The following FRMD6 variants were observed in gnomAD, a reference collection of about 807,000 sequenced individuals.
The protein encoded by FRMD6 is FERM domain-containing protein 6.
Under a neutral mutation model 73.2 loss-of-function variants are expected in FRMD6, and 37 were observed. That is an observed-to-expected ratio of 0.51 (90% CI 0.39 to 0.66). The LOEUF is 0.66. FRMD6 is among the 30% of genes least tolerant of loss of function. The pLI is 0.00. For synonymous variants in FRMD6, 273 were observed against 282.2 expected, an observed-to-expected ratio of 0.97 and a Z score of 0.33; for missense variants, 714 against 780.5, an observed-to-expected ratio of 0.91 and a Z score of 1.02.
At chr14:51,457,206 C>T in the FRMD6 span, among the ~76,000 whole-genome samples, 462 of 152,232 alleles carry the variant, frequency 3.0e-3, 4 homozygotes, top group Non-Finnish European at 4.7e-3. Context: ...TTGATTATTA[C>T]ACAATGTAAA....
At chr14:51,697,342 A>G in intron 2 of FRMD6, among the ~76,000 whole-genome samples, 1 of 152,180 alleles carries the variant, frequency 6.6e-6, no homozygotes, top group Non-Finnish European at 1.5e-5. Flanking sequence ...CTTTAAAAAG[A>G]AGGAAATCAT....
chr14:51,467,817 G>A, the FRMD6 span, among the ~76,000 whole-genome samples: 4 of 149,792 alleles, frequency 2.7e-5, no homozygotes, highest in African/African-American at 4.9e-5. Flanking sequence ...CTGGGCGGCC[G>A]GGCAGAGGGG....
intron 1 of FRMD6, among the ~76,000 whole-genome samples, chr14:51,659,391 AG>A (rs1467659432): frequency 1.3e-5 from 2 of 152,224 alleles, no homozygotes; most frequent in African/African-American, 4.8e-5. Flanking sequence ...GTTTTATTGG[AG>A]GTTCCCAAGC....
At chr14:51,475,881 C>A in the FRMD6 span, among the ~76,000 whole-genome samples, 1 of 152,014 alleles carries the variant, frequency 6.6e-6, no homozygotes, top group African/African-American at 2.4e-5. Flanking sequence ...TGTCTACTAA[C>A]GTAATTGTCG....
chr14:51,578,839 G>A (rs1164096802), intron 2 of FRMD6: 1 of 152,256 alleles, frequency 6.6e-6, no homozygotes, highest in East Asian at 1.9e-4. Context: ...TTTGACCAGA[G>A]AAGAGGACCC....
At chr14:51,534,562 C>T (rs1226736748) in intron 1 of FRMD6, among the ~76,000 whole-genome samples, 1 of 152,192 alleles carries the variant, frequency 6.6e-6, no homozygotes, top group Admixed American at 6.5e-5. Flanking sequence ...CTCTTCTTTG[C>T]CCAGACAGCT....
chr14:51,665,664 A>G (rs893613633), intron 1 of FRMD6, among the ~76,000 whole-genome samples: 9 of 152,150 alleles, frequency 5.9e-5, no homozygotes, highest in Admixed American at 5.9e-4. Flanking sequence ...TGGGTTAACT[A>G]TTTGCTAATG....
chr14:51,627,666 A>G (rs1891169521), intron 2 of FRMD6, among the ~76,000 whole-genome samples: 1 of 152,222 alleles, frequency 6.6e-6, no homozygotes, highest in Admixed American at 6.5e-5. Flanking sequence ...GATGCTTGAG[A>G]ACAGAAGCAG....
chr14:51,472,065 C>T, the FRMD6 span, among the ~76,000 whole-genome samples: 1 of 152,140 alleles, frequency 6.6e-6, no homozygotes, highest in Non-Finnish European at 1.5e-5. Flanking sequence ...CTTGAACTTT[C>T]CAGCCTCTAG....
chr14:51,595,215 C>T (rs770330322), intron 2 of FRMD6, among the ~76,000 whole-genome samples: 1 of 152,230 alleles, frequency 6.6e-6, no homozygotes, highest in African/African-American at 2.4e-5. Context: ...AGTCCCCTAA[C>T]TCTGAGTGCC....
intron 1 of FRMD6, among the ~76,000 whole-genome samples, chr14:51,532,270 G>A (rs2140335850): frequency 6.6e-6 from 1 of 151,048 alleles, no homozygotes. Context: ...TCGGGAGGAT[G>A]AGCCAGGAGA....
intron 2 of FRMD6, among the ~76,000 whole-genome samples, chr14:51,692,478 G>GTT (rs1895667210): frequency 1.3e-5 from 2 of 151,406 alleles, no homozygotes; most frequent in African/African-American, 4.8e-5. Flanking sequence ...TGCAATGTGT[G>GTT]TGTGTGTGTG....
At chr14:51,638,281 TAAAAA>T (rs879547597) in intron 2 of FRMD6, among the ~76,000 whole-genome samples, 1 of 149,294 alleles carries the variant, frequency 6.7e-6, no homozygotes, top group Non-Finnish European at 1.5e-5. Context: ...GACCTTGTCT[TAAAAA>T]AAAAAGTTTG....
intron 1 of FRMD6, among the ~76,000 whole-genome samples, chr14:51,563,234 C>T (rs568355050): frequency 3.3e-5 from 5 of 149,500 alleles, no homozygotes; most frequent in Admixed American, 1.4e-4. Flanking sequence ...AAAGAATTAT[C>T]GCTTACAAGT....
chr14:51,431,144 T>C, the FRMD6 span, among the ~76,000 whole-genome samples: 1 of 152,188 alleles, frequency 6.6e-6, no homozygotes, highest in African/African-American at 2.4e-5. Flanking sequence ...TACCTGTGGA[T>C]GGCCAAGTTC....
At chr14:51,448,481 G>A in the FRMD6 span, among the ~76,000 whole-genome samples, 332 of 152,362 alleles carry the variant, frequency 2.2e-3, 2 homozygotes, top group Non-Finnish European at 3.5e-3. Flanking sequence ...GTGATAAATA[G>A]TGTTTGCTGA....
the FRMD6 span, among the ~76,000 whole-genome samples, chr14:51,461,091 A>T: frequency 1.3e-5 from 2 of 152,250 alleles, no homozygotes; most frequent in Non-Finnish European, 2.9e-5. Context: ...TTGACTACAG[A>T]CATGTGTACT....
At chr14:51,723,801 G>A in intron 12 of FRMD6, among the ~76,000 whole-genome samples, 1 of 150,750 alleles carries the variant, frequency 6.6e-6, no homozygotes. Flanking sequence ...AAGAACAAGT[G>A]GTTAAATTAT....
chr14:51,459,884 C>CTCTTTTTTTTT, the FRMD6 span, among the ~76,000 whole-genome samples: 1 of 74,650 alleles, frequency 1.3e-5, no homozygotes, highest in Non-Finnish European at 2.3e-5. Flanking sequence ...TACTGACTCT[C>CTCTTTTTTTTT]TTTTTTTTTT....
Sources: allele counts gnomAD v4.1 joint callset (sites outside exome capture counted in the v4.1 genomes callset), GRCh38; gene constraint gnomAD v4.1.1; transcripts MANE v1.5; gene names NCBI Gene and HGNC (gene_info 2026-07-23, HGNC 2026-07-21).